Variants in CDH1 observed in about 807,000 individuals in gnomAD.
CDH1 encodes cadherin-1.
A neutral mutation model predicts 84.5 loss-of-function variants in CDH1; 35 were observed. The observed-to-expected ratio is 0.41, with a 90% confidence interval of 0.32 to 0.55. The LOEUF is 0.55. Ranked by LOEUF, CDH1 falls within the 20% of genes least tolerant of loss-of-function variation. The pLI is 0.19. For synonymous variants in CDH1, 417 were observed against 439.0 expected (o/e 0.95, Z 0.63); for missense variants, 994 against 1,126.6 (o/e 0.88, Z 1.68).
intron 2 of CDH1, among the ~76,000 whole-genome samples, chr16:68,788,179 C>T (rs1292610755): frequency 6.6e-6 from 1 of 152,028 alleles, no homozygotes; most frequent in Non-Finnish European, 1.5e-5. Flanking sequence ...TTTTTCATAA[C>T]CTTGGCATTT....
intron 14 of CDH1, 65 bp from the exon 15 acceptor site, chr16:68,829,589 T>A (rs1009158157): frequency 6.7e-7 from 1 of 1,487,558 alleles, no homozygotes; most frequent in Non-Finnish European, 9.3e-7. Flanking sequence ...AAACTGAACA[T>A]AGCCCTGTGT....
At chr16:68,802,190 T>G (rs200069675) in intron 3 of CDH1, among the ~76,000 whole-genome samples, 14 of 152,108 alleles carry the variant, frequency 9.2e-5, no homozygotes, top group Non-Finnish European at 1.8e-4. Flanking sequence ...TTGCTGGAGT[T>G]TTTGGGGTGT....
chr16:68,805,753 C>T (rs901436491), intron 3 of CDH1, among the ~76,000 whole-genome samples: 1 of 152,008 alleles, frequency 6.6e-6, no homozygotes, highest in Non-Finnish European at 1.5e-5. Flanking sequence ...CACCACCACA[C>T]CCAGCTAATT....
chr16:68,744,021 T>C (rs1165358933), intron 2 of CDH1, among the ~76,000 whole-genome samples: 1 of 152,212 alleles, frequency 6.6e-6, no homozygotes, highest in Non-Finnish European at 1.5e-5. Context: ...TGGGCAGGAA[T>C]GTAAAGAGAG....
chr16:68,765,705 T>G (rs1959357716), intron 2 of CDH1: 1 of 151,782 alleles, frequency 6.6e-6, no homozygotes, highest in Admixed American at 6.6e-5. Context: ...TTTTTTTTCT[T>G]TAAGTATTTC....
At chr16:68,808,153 T>C (rs962810244) in intron 3 of CDH1, among the ~76,000 whole-genome samples, 3 of 152,218 alleles carry the variant, frequency 2.0e-5, no homozygotes, top group African/African-American at 7.2e-5. Context: ...TACTTGTGTA[T>C]GCATGATGAT....
intron 2 of CDH1, among the ~76,000 whole-genome samples, chr16:68,790,028 C>T (rs947357818): frequency 1.3e-5 from 2 of 152,188 alleles, no homozygotes; most frequent in African/African-American, 4.8e-5. Flanking sequence ...TGCACTCCAG[C>T]CTGGGCAACA....
At chr16:68,760,456 G>A (rs1450146896) in intron 2 of CDH1, among the ~76,000 whole-genome samples, 1 of 151,946 alleles carries the variant, frequency 6.6e-6, no homozygotes, top group Admixed American at 6.6e-5. Context: ...AGATGGGAAT[G>A]TGAATTGTCT....
intron 2 of CDH1, among the ~76,000 whole-genome samples, chr16:68,751,622 C>T (rs1962884853): frequency 6.6e-6 from 1 of 151,972 alleles, no homozygotes; most frequent in Admixed American, 6.6e-5. Context: ...CCTGCCTCAG[C>T]CTCCTGAGTA....
intron 3 of CDH1, among the ~76,000 whole-genome samples, chr16:68,803,026 T>C (rs1384516772): frequency 6.6e-6 from 1 of 152,170 alleles, no homozygotes; most frequent in Non-Finnish European, 1.5e-5. Flanking sequence ...TAGGGGTTGT[T>C]ATTCGAAGCC....
At chr16:68,779,399 C>T (rs1183390072) in intron 2 of CDH1, among the ~76,000 whole-genome samples, 1 of 152,248 alleles carries the variant, frequency 6.6e-6, no homozygotes, top group Non-Finnish European at 1.5e-5. Context: ...GTTCAATTCC[C>T]AGCTCTGCTG....
At chr16:68,784,726 C>T (rs1959994153) in intron 2 of CDH1, among the ~76,000 whole-genome samples, 1 of 152,078 alleles carries the variant, frequency 6.6e-6, no homozygotes, top group Admixed American at 6.5e-5. Flanking sequence ...GCTTAGCTCC[C>T]ACTTATGAGT....
At chr16:68,822,677 T>G (rs1398583888) in intron 12 of CDH1, 3 of 334,800 alleles carry the variant, frequency 9.0e-6, no homozygotes, top group Non-Finnish European at 1.7e-5. Flanking sequence ...CTACACCTAC[T>G]TCTCTCTGGG....
At chr16:68,770,333 T>C (rs1357276101) in intron 2 of CDH1, among the ~76,000 whole-genome samples, 1 of 151,692 alleles carries the variant, frequency 6.6e-6, no homozygotes, top group African/African-American at 2.4e-5. Context: ...ACCTCAGAGG[T>C]AAGTATTTGG....
intron 2 of CDH1, among the ~76,000 whole-genome samples, chr16:68,787,402 C>A (rs1960084021): frequency 6.6e-6 from 1 of 152,170 alleles, no homozygotes. Flanking sequence ...ACCTGCCTCA[C>A]AGCAACATAG....
Position 68,745,137 on chromosome 16 carries a change from G to A in CDH1, c.163+6726G>A, listed in dbSNP as rs113952685. 3.8e-3 allele frequency among the ~76,000 whole-genome samples: 582 copies of A among 151,826 alleles called. 1 individual carries two copies. The highest frequency in any genetic ancestry group is 0.013 in the African/African-American group (529 of 41,406). Reference sequence around the variant, plus strand: ...AGTGGGGCAAGGCGCAGCTAGGGCCGGGGGAGTCGGGATGATCTTGAACTT... The same window carrying A: ...AGTGGGGCAAGGCGCAGCTAGGGCCAGGGGAGTCGGGATGATCTTGAACTT... On this transcript the variant is annotated intron_variant, in intron 2 of 15. Transcript: ENST00000261769.
intron 5 of CDH1, among the ~76,000 whole-genome samples, chr16:68,809,241 T>C (rs1960754575): frequency 6.6e-6 from 1 of 151,510 alleles, no homozygotes; most frequent in Non-Finnish European, 1.5e-5. Context: ...TTTTTTTTTT[T>C]TGAGATAGGG....
At chr16:68,823,344 G>T (rs2152139149) in intron 12 of CDH1, 55 bp from the exon 13 acceptor site, 1 of 1,273,982 alleles carries the variant, frequency 7.8e-7, no homozygotes, top group South Asian at 1.2e-5. Context: ...ATTCTGGAAT[G>T]AGCTTTTTAT....
intron 2 of CDH1, among the ~76,000 whole-genome samples, chr16:68,745,550 A>AAAATATATATATATATATG (rs71253605): frequency 2.0e-5 from 1 of 50,498 alleles, no homozygotes; most frequent in Non-Finnish European, 3.3e-5. Flanking sequence ...AAAAAAAAAA[A>AAAATATATATATATATATG]TATATATATA....
Sources: gnomAD v4.1 joint callset for allele counts (sites outside exome capture counted in the v4.1 genomes callset) on GRCh38, gnomAD v4.1.1 for gene constraint, MANE v1.5 for transcripts, NCBI Gene and HGNC (gene_info 2026-07-23, HGNC 2026-07-21) for gene names.